Variants in SDK1 observed in about 807,000 individuals in gnomAD.
SDK1 encodes protein sidekick-1.
A neutral mutation model predicts 245.5 loss-of-function variants in SDK1; 157 were observed. That is an observed-to-expected ratio of 0.64 (90% CI 0.56 to 0.73). The LOEUF is 0.73. Among genes scored for constraint, SDK1 ranks in the 30% least tolerant of loss-of-function variants. The probability of loss-of-function intolerance (pLI) is 0.00; values close to 1 mark genes in which losing one functional copy is unlikely to be tolerated. For synonymous variants in SDK1, 1,647 were observed against 1,278.5 expected, an observed-to-expected ratio of 1.29 and a Z score of -6.15; for missense variants, 3,583 against 3,002.3, an observed-to-expected ratio of 1.19 and a Z score of -4.52.
At chr7:4,082,906 C>A (rs984493493) in intron 22 of SDK1, among the ~76,000 whole-genome samples, 3 of 152,152 alleles carry the variant, frequency 2.0e-5, no homozygotes, top group African/African-American at 2.4e-5. Flanking sequence ...TAGGCATGAG[C>A]CACCGCACCT....
At chr7:3,692,718 CATT>C (rs1784468688) in intron 4 of SDK1, among the ~76,000 whole-genome samples, 4 of 151,694 alleles carry the variant, frequency 2.6e-5, no homozygotes, top group African/African-American at 9.7e-5. Flanking sequence ...TTTTATGAAA[CATT>C]ATAGAATATT....
At chr7:3,970,452 C>T (rs1230006477) in intron 11 of SDK1, among the ~76,000 whole-genome samples, 2 of 152,186 alleles carry the variant, frequency 1.3e-5, no homozygotes, top group African/African-American at 2.4e-5. Context: ...TCAGCCACTT[C>T]GTTCATTCTG....
chr7:4,213,464 A>G (rs1784611989), intron 38 of SDK1, among the ~76,000 whole-genome samples: 1 of 151,858 alleles, frequency 6.6e-6, no homozygotes, highest in Non-Finnish European at 1.5e-5. Flanking sequence ...ATGTGCCTGT[A>G]GTCCCAGTTA....
At chr7:4,172,981 C>T (rs1781944433) in intron 32 of SDK1, among the ~76,000 whole-genome samples, 1 of 152,202 alleles carries the variant, frequency 6.6e-6, no homozygotes, top group South Asian at 2.1e-4. Context: ...GGTTCACAGG[C>T]AACAGGGCTT....
chr7:3,350,457 G>A (rs1562432929), intron 1 of SDK1, among the ~76,000 whole-genome samples: 1 of 152,106 alleles, frequency 6.6e-6, no homozygotes, highest in East Asian at 1.9e-4. Flanking sequence ...GTTGTAGTGG[G>A]ACAGATTACA....
chr7:4,177,139 T>C (rs665163), intron 34 of SDK1, among the ~76,000 whole-genome samples: 96,725 of 152,082 alleles, frequency 0.64, 31,243 homozygotes, highest in East Asian at 0.73. Flanking sequence ...ACTGACTCCA[T>C]AGCATGGGTG....
At chr7:3,672,206 A>G (rs1486072310) in intron 4 of SDK1, among the ~76,000 whole-genome samples, 7 of 152,016 alleles carry the variant, frequency 4.6e-5, no homozygotes, top group Non-Finnish European at 8.8e-5. Context: ...GAGGCAGCCG[A>G]TGCTGCTGGT....
At chr7:3,349,591 G>C (rs1432547521) in intron 1 of SDK1, among the ~76,000 whole-genome samples, 2 of 152,096 alleles carry the variant, frequency 1.3e-5, no homozygotes, top group Non-Finnish European at 2.9e-5. Context: ...TTTTGGGCCA[G>C]AGTACATGTA....
chr7:4,195,055 A>G (rs931171687), intron 35 of SDK1, among the ~76,000 whole-genome samples: 7 of 152,214 alleles, frequency 4.6e-5, no homozygotes, highest in Non-Finnish European at 8.8e-5. Flanking sequence ...ATGCAAATCA[A>G]TGAGCTGCTT....
intron 5 of SDK1, among the ~76,000 whole-genome samples, chr7:3,848,305 C>T (rs1251437939): frequency 6.6e-6 from 1 of 152,132 alleles, no homozygotes; most frequent in East Asian, 1.9e-4. Context: ...TTTTGGTACC[C>T]AGAAGGATGT....
At chr7:3,460,882 C>G (rs777499101) in intron 1 of SDK1, among the ~76,000 whole-genome samples, 9 of 152,090 alleles carry the variant, frequency 5.9e-5, no homozygotes, top group Non-Finnish European at 1.0e-4. Flanking sequence ...AAAAATAAGT[C>G]TTAGACTAGA....
chr7:3,925,623 G>C (rs1779740171), intron 5 of SDK1, among the ~76,000 whole-genome samples: 1 of 152,222 alleles, frequency 6.6e-6, no homozygotes, highest in South Asian at 2.1e-4. Context: ...CAGCCTTGGG[G>C]CACCCTGCAG....
At chr7:4,226,938 T>C (rs1444476296) in intron 40 of SDK1, among the ~76,000 whole-genome samples, 8 of 74,004 alleles carry the variant, frequency 1.1e-4, no homozygotes, top group Admixed American at 8.7e-4. Flanking sequence ...TGTATTGCAT[T>C]TTTTTTTTTT....
At chr7:3,682,397 A>G (rs954866897) in intron 4 of SDK1, among the ~76,000 whole-genome samples, 1 of 152,218 alleles carries the variant, frequency 6.6e-6, no homozygotes, top group East Asian at 1.9e-4. Context: ...CCAGAGGGGA[A>G]GAAAACTCCT....
rs193084999 is a variant in SDK1 at position 4,154,422 on chromosome 7, A to G, written c.4626-4026A>G. Among the ~76,000 whole-genome samples, 13 of 152,234 alleles carry G rather than the reference A, an allele frequency of 8.5e-5. No individual in the cohort carries two copies. In the East Asian group the frequency reaches 1.9e-3, roughly 23 times the overall value. ...AGATGTTATCTCAAAAATATCCCTA[A>G]ATCTATCCAGCTTCTGAGTTTGTAT... On this transcript the variant is annotated intron_variant, in intron 30 of 44. Transcript: ENST00000404826.
At chr7:4,074,856 T>TACTTTCCCTCTCTCTCTCTCTCTCTC (rs1486926440) in intron 20 of SDK1, among the ~76,000 whole-genome samples, 13 of 72,344 alleles carry the variant, frequency 1.8e-4, no homozygotes, top group Admixed American at 6.4e-4. Context: ...GAGCAAGACT[T>TACTTTCCCTCTCTCTCTCTCTCTCTC]TCTCTCTCTC....
chr7:3,532,261 T>C (rs927321386), intron 1 of SDK1, among the ~76,000 whole-genome samples: 1 of 152,212 alleles, frequency 6.6e-6, no homozygotes, highest in African/African-American at 2.4e-5. Context: ...TGTTAGGAAT[T>C]GTTGTTTCTG....
chr7:3,516,317 G>C (rs1003947968), intron 1 of SDK1, among the ~76,000 whole-genome samples: 7 of 151,744 alleles, frequency 4.6e-5, no homozygotes, highest in African/African-American at 1.7e-4. Flanking sequence ...TAGATCATAG[G>C]ATACACAGAC....
intron 14 of SDK1, among the ~76,000 whole-genome samples, chr7:4,009,348 C>T (rs886093381): frequency 5.9e-5 from 9 of 152,208 alleles, no homozygotes; most frequent in Admixed American, 4.6e-4. Context: ...TGGGAATGGC[C>T]TTTCGTCTTC....
Sources: allele counts gnomAD v4.1 joint callset (sites outside exome capture counted in the v4.1 genomes callset), GRCh38; gene constraint gnomAD v4.1.1; transcripts MANE v1.5; gene names NCBI Gene and HGNC (gene_info 2026-07-23, HGNC 2026-07-21).